The following EHBP1L1 variants were observed in gnomAD, a reference collection of about 807,000 sequenced individuals.
EHBP1L1 encodes the protein EH domain-binding protein 1-like protein 1.
Under a neutral mutation model 151.1 loss-of-function variants are expected in EHBP1L1, and 122 were observed. That is an observed-to-expected ratio of 0.81 (90% CI 0.70 to 0.94). EHBP1L1 has a LOEUF of 0.94. Among genes scored for constraint, EHBP1L1 ranks in the 40% least tolerant of loss-of-function variants. EHBP1L1 has a pLI of 0.00. For synonymous variants in EHBP1L1, 878 were observed against 810.1 expected, an observed-to-expected ratio of 1.08 and a Z score of -1.42; for missense variants, 1,941 against 1,959.8, an observed-to-expected ratio of 0.99 and a Z score of 0.18.
Position 65,581,247 on chromosome 11 carries a change from C to A in EHBP1L1, c.740C>A (p.Ala247Asp), listed in dbSNP as rs928799438. The A allele has an allele frequency of 5.6e-6, 9 of 1,611,178 alleles. No homozygotes were observed. Among genetic ancestry groups the A allele is most frequent in the Middle Eastern group, 3.3e-4 (2 of 6,076 alleles). The change falls in exon 8 of 19, where the codon GCC (alanine) becomes GAC (aspartate). Residue 247 changes from alanine (A) to aspartate (D), a missense_variant. By Grantham distance (126) the Ala-to-Asp change is moderately radical (BLOSUM62 -2). Transcript: ENST00000309295. Reference sequence around the variant, plus strand: ...TCTAATGCTGAGGATACCAGCCCAGCCCCTGTGAGTGCTCCTGCACCCCCA... The same window carrying A: ...TCTAATGCTGAGGATACCAGCCCAGACCCTGTGAGTGCTCCTGCACCCCCA... Reference protein sequence around the residue: ...SPSNAEDTSPAPVSAPAPPAR... With the variant: ...SPSNAEDTSPDPVSAPAPPAR...
chr11:65,580,648 C>T (rs967964814), intron 6 of EHBP1L1, among the ~76,000 whole-genome samples, 169 bp downstream of exon 6: 11 of 152,202 alleles, frequency 7.2e-5, no homozygotes, highest in Admixed American at 6.5e-4. Context: ...GCTGGTCCCA[C>T]GATAGCCTTG....
chr11:65,585,618 C>A lies in EHBP1L1; in HGVS notation c.3933+27C>A. ...TGAGTGTCAAGGTCCTTCTTTCTTCCCCCGCCGCAGCGCGGGGTCCCGGGA... is the reference window on the plus strand; with the variant it reads ...TGAGTGTCAAGGTCCTTCTTTCTTCACCCGCCGCAGCGCGGGGTCCCGGGA... On this transcript the variant is annotated intron_variant, in intron 12 of 18. Transcript: ENST00000309295. This position sits in a 1 kb window ranked among gnomAD's most constrained non-coding sequence, Gnocchi z 4.0. 1 of 1,548,560 alleles carries A rather than the reference C, an allele frequency of 6.5e-7. No homozygotes were observed. The highest frequency in any genetic ancestry group is 8.7e-7 in the Non-Finnish European group (1 of 1,154,130).
chr11:65,588,386 G>A (rs905045576), intron 12 of EHBP1L1, among the ~76,000 whole-genome samples: 4 of 152,192 alleles, frequency 2.6e-5, no homozygotes, highest in Non-Finnish European at 5.9e-5. Flanking sequence ...TTTGGCATGA[G>A]GCTGGGGGGC....
At chr11:65,576,680 T>C (rs1857344831) in intron 1 of EHBP1L1, among the ~76,000 whole-genome samples, 1 of 151,990 alleles carries the variant, frequency 6.6e-6, no homozygotes, top group Non-Finnish European at 1.5e-5. Context: ...TCAGCTGCGG[T>C]CAGGGCTGGG....
chr11:65,579,368 A>G lies in EHBP1L1; in HGVS notation c.190A>G (p.Asn64Asp), dbSNP rs562782203. The G allele has an allele frequency of 1.4e-4, 226 of 1,575,176 alleles. 2 individuals are homozygous for G. The South Asian group carries it at 2.4e-3, about 17-fold the overall frequency. ...CCACAGCTGGCAGCCGGGCATCCAGAACCCATACCGGGGCACCGTGGTGTG... is the reference window on the plus strand; with the variant it reads ...CCACAGCTGGCAGCCGGGCATCCAGGACCCATACCGGGGCACCGTGGTGTG... ...KAHSWQPGIQ[N>D]PYRGTVVWMV... The change falls in exon 3 of 19, where the codon AAC (asparagine) becomes GAC (aspartate). Residue 64 changes from asparagine (N) to aspartate (D), a missense_variant. Asn to Asp is a conservative substitution (Grantham distance 23). Coordinates refer to ENST00000309295, the MANE Select transcript of EHBP1L1 (RefSeq NM_001099409.3).
rs190122255 is a variant in EHBP1L1, at chr11:65,591,252, C to T, written c.4284-548C>T. 69 of 168,576 alleles carry T rather than the reference C, an allele frequency of 4.1e-4. 1 individual carries two copies. The East Asian group carries it at 0.011, about 26-fold the overall frequency. 10.4% of individuals were successfully genotyped at this position (168,576 alleles called of 1,614,324 possible). A position where few individuals can be genotyped will look rare whatever the true frequency, so the allele number is the denominator to read the frequency against. ...ACAAAACATTAGCCAGGCCTGGTGG[C>T]GGGCGCCTGTAGTTCCAGCTTCTGG... is the stretch of plus-strand genomic sequence containing the variant. On this transcript the variant is annotated intron_variant, in intron 16 of 18. Coordinates refer to ENST00000309295, the MANE Select transcript of EHBP1L1 (RefSeq NM_001099409.3).
At position 65,592,315 on chromosome 11, in the gene EHBP1L1, G is replaced by C. The variant is rs767481969; in HGVS notation, c.*13G>C. ...CGTGCTGAGCTGAGGCCGCCGGCCC[G>C]GGTGGCCCATAACTTCTCGCGTCCC... is the stretch of plus-strand genomic sequence containing the variant. On this transcript the variant is annotated 3_prime_UTR_variant, in exon 19 of 19. Transcript: ENST00000309295. 1 of 1,460,924 alleles carries C rather than the reference G, an allele frequency of 6.8e-7. No individual in the cohort carries two copies. The highest frequency in any genetic ancestry group is 1.3e-5 in the South Asian group (1 of 74,276). The allele number at this position is 1,460,924 out of a possible 1,614,324, so 90.5% of individuals were successfully genotyped here.
At position 65,590,013 on chromosome 11, in the gene EHBP1L1, G is replaced by T. The variant is rs557838531; in HGVS notation, c.4059+22G>T. On this transcript the variant is annotated intron_variant, in intron 14 of 18. Transcript: ENST00000309295. Reference sequence around the variant, plus strand: ...GCTGGTAAGGAGGGCTAAGTGGGAGGAGCTGATGGGTGAGCACCACCTATT... The same window carrying T: ...GCTGGTAAGGAGGGCTAAGTGGGAGTAGCTGATGGGTGAGCACCACCTATT... 3 of 1,606,970 alleles carry T rather than the reference G, an allele frequency of 1.9e-6. No homozygotes were observed. In the Admixed American group the frequency reaches 5.0e-5, roughly 27 times the overall value.
chr11:65,580,565 C>T, intron 6 of EHBP1L1, 86 bp downstream of exon 6: 1 of 1,530,826 alleles, frequency 6.5e-7, no homozygotes, highest in Non-Finnish European at 8.8e-7. Context: ...GCTGTGCCCG[C>T]CCTGTGATGG....
At position 65,592,240 on chromosome 11, in the gene EHBP1L1, G is replaced by A; in HGVS notation, c.4510G>A (p.Glu1504Lys). 6.5e-7 allele frequency: 1 copy of A among 1,536,416 alleles called. No homozygotes were observed. Among genetic ancestry groups the A allele is most frequent in the Non-Finnish European group, 8.7e-7 (1 of 1,147,436 alleles). The change falls in exon 19 of 19, where the codon GAA becomes AAA. Residue 1504 changes from glutamate to lysine, a missense_variant. Physicochemically the swap from Glu to Lys is moderately conservative, Grantham distance 56. Transcript: ENST00000309295. ...GGACGAGCGCCTGGAGCGCGGCCTG[G>A]AACAGCGGCGCCGCAAGCTGAGCCG... ...EEDERLERGL[E>K]QRRRKLSRQL...
chr11:65,577,544 C>G (rs562350130), intron 1 of EHBP1L1, among the ~76,000 whole-genome samples: 1 of 152,282 alleles, frequency 6.6e-6, no homozygotes, highest in South Asian at 2.1e-4. Flanking sequence ...GAGTCACAGG[C>G]GGCTGTGGGT....
rs775340083 is a variant in EHBP1L1, at chr11:65,581,161, G to C, written c.703+35G>C. 2.5e-6 allele frequency: 4 copies of C among 1,612,004 alleles called. No homozygotes were observed. The African/African-American group carries it at 4.0e-5, about 16-fold the overall frequency. Reference sequence around the variant, plus strand: ...AGGCTGGGGTTGGGGGTGGAGACTGGACCCCAGGTCACTGGGCCCAGGCCA... The same window carrying C: ...AGGCTGGGGTTGGGGGTGGAGACTGCACCCCAGGTCACTGGGCCCAGGCCA... On this transcript the variant is annotated intron_variant, in intron 7 of 18. Coordinates refer to ENST00000309295, the MANE Select transcript of EHBP1L1 (RefSeq NM_001099409.3).
chr11:65,585,364 G>A lies in EHBP1L1; in HGVS notation c.3706G>A (p.Ala1236Thr). 7 of 1,185,624 alleles carry A rather than the reference G, an allele frequency of 5.9e-6. No homozygotes were observed. Among genetic ancestry groups the A allele is most frequent in the Non-Finnish European group, 7.3e-6 (7 of 956,368 alleles). The allele number at this position is 1,185,624 out of a possible 1,614,324, so 73.4% of individuals were successfully genotyped here. The part of the protein sequence containing the change: ...PRESRPAEVP[A>T]EGLVNGAGAP... Reference sequence around the variant, plus strand: ...AGAGTCGCGACCCGCGGAGGTCCCGGCCGAGGGGCTGGTGAACGGGGCGGG... The same window carrying A: ...AGAGTCGCGACCCGCGGAGGTCCCGACCGAGGGGCTGGTGAACGGGGCGGG... The change falls in exon 12 of 19, where the codon GCC becomes ACC. Residue 1236 changes from alanine (A) to threonine (T), a missense_variant. Transcript: ENST00000309295. This position sits in a 1 kb window ranked among gnomAD's most constrained non-coding sequence, Gnocchi z 4.0.
chr11:65,585,215 G>C lies in EHBP1L1; in HGVS notation c.3557G>C (p.Gly1186Ala). 8.7e-7 allele frequency: 1 copy of C among 1,145,864 alleles called. No individual in the cohort carries two copies. The highest frequency in any genetic ancestry group is 1.1e-6 in the Non-Finnish European group (1 of 932,296). 71.0% of individuals were successfully genotyped at this position (1,145,864 alleles called of 1,614,324 possible). ...CTGGCGCAGCGGCTGCGCGGTCACG[G>C]GGCCGAGGGGCCCCAGGAGCCCAAG... ...GGLAQRLRGH[G>A]AEGPQEPKEA... The change falls in exon 12 of 19, where the codon GGG (glycine) becomes GCG (alanine). Residue 1186 changes from glycine to alanine, a missense_variant. Transcript: ENST00000309295. This position sits in a 1 kb window ranked among gnomAD's most constrained non-coding sequence, Gnocchi z 4.0.
In EHBP1L1 at chr11:65,591,995, T is replaced by A. The variant is rs1472811540; in HGVS notation, c.4377T>A (p.Ala1459=). 1.2e-6 allele frequency: 2 copies of A among 1,612,574 alleles called. No homozygotes were observed. The highest frequency in any genetic ancestry group is 2.7e-5 in the African/African-American group (2 of 74,824). ...LAIEDWQKTS[A]QQHREQLLLE... is the part of the protein sequence containing the mutation. ...CCTCAGACTGGCAGAAAACGTCCGC[T>A]CAGCAGCACCGAGAGCAGCTCCTAC... is the stretch of plus-strand genomic sequence containing the variant. The change falls in exon 18 of 19, where the codon GCT becomes GCA. Residue 1459 remains alanine (A), a synonymous_variant. Transcript: ENST00000309295.
rs1206885524 is a variant in EHBP1L1, at chr11:65,580,326, C to G, written c.492-11C>G. 6.2e-7 allele frequency: 1 copy of G among 1,613,722 alleles called. No homozygotes were observed. Among genetic ancestry groups the G allele is most frequent in the Non-Finnish European group, 8.5e-7 (1 of 1,179,818 alleles). ...CTGACTCCACCCTCACCTTTAACCT[C>G]TGCCTCCCAGGGACGATGACATGCA... On this transcript the variant is annotated splice_polypyrimidine_tract_variant and intron_variant, in intron 5 of 18. Coordinates refer to ENST00000309295, the MANE Select transcript of EHBP1L1 (RefSeq NM_001099409.3).
At chr11:65,591,775 C>A in intron 16 of EHBP1L1, 25 bp from the exon 17 acceptor site, 1 of 1,139,592 alleles carries the variant, frequency 8.8e-7, no homozygotes, top group Non-Finnish European at 1.3e-6. Flanking sequence ...CACCCCCCCG[C>A]CACCCACCCC....
rs751533930 is a variant in EHBP1L1, at chr11:65,582,703, G to A, written c.2031G>A (p.Val677=). ...RTTIAETEVL[V]TQEISGDLGP... The stretch of plus-strand genomic sequence containing the variant: ...CGATAGCAGAGACTGAGGTACTGGT[G>A]ACCCAGGAGATATCTGGGGATTTAG... The change falls in exon 9 of 19, where the codon GTG becomes GTA. Residue 677 remains valine, a synonymous_variant. Coordinates refer to ENST00000309295, the MANE Select transcript of EHBP1L1 (RefSeq NM_001099409.3). 1.9e-6 allele frequency: 3 copies of A among 1,613,670 alleles called. No individual in the cohort carries two copies. The highest frequency in any genetic ancestry group is 1.7e-6 in the Non-Finnish European group (2 of 1,179,858).
intron 9 of EHBP1L1, 39 bp downstream of exon 9, chr11:65,583,804 C>G: frequency 6.9e-7 from 1 of 1,448,990 alleles, no homozygotes; most frequent in Non-Finnish European, 9.0e-7. Flanking sequence ...TCTGCTGCTT[C>G]CCACTAACCT....
Sources: gnomAD v4.1 joint callset for allele counts (sites outside exome capture counted in the v4.1 genomes callset) on GRCh38, gnomAD v4.1.1 for gene constraint, Gnocchi (gnomAD v3.1) non-coding constraint, MANE v1.5 for transcripts, NCBI Gene and HGNC (gene_info 2026-07-23, HGNC 2026-07-21) for gene names.